Variants in OXR1 observed in about 807,000 individuals in gnomAD.
The protein encoded by OXR1 is oxidation resistance 1.
In OXR1, 41 loss-of-function variants were observed where a neutral mutation model predicts 104.6. The ratio of observed to expected loss-of-function variants is 0.39; its 90% CI spans 0.31 to 0.51. OXR1 has a LOEUF of 0.51. OXR1 is among the 20% of genes least tolerant of loss of function. The pLI is 0.77. For missense variants in OXR1, 955 were observed against 1,031.9 expected (o/e 0.93, Z 1.02); for synonymous variants, 348 against 348.4 (o/e 1.00, Z 0.01).
intron 7 of OXR1, among the ~76,000 whole-genome samples, chr8:106,700,061 T>C (rs1052827392): frequency 1.3e-5 from 2 of 152,172 alleles, no homozygotes; most frequent in African/African-American, 4.8e-5. Flanking sequence ...TACTTTATTT[T>C]CTAATAGAAA....
chr8:106,512,215 T>C (rs1812579145), intron 2 of OXR1, among the ~76,000 whole-genome samples: 1 of 152,162 alleles, frequency 6.6e-6, no homozygotes, highest in Non-Finnish European at 1.5e-5. Flanking sequence ...AGCTGGTAAA[T>C]GCCACATTAT....
At chr8:106,488,028 C>T (rs917426731) in intron 2 of OXR1, among the ~76,000 whole-genome samples, 1 of 147,426 alleles carries the variant, frequency 6.8e-6, no homozygotes, top group Non-Finnish European at 1.5e-5. Context: ...AACTAGTTTA[C>T]AGTCCCACCA....
chr8:106,675,312 GACC>G (rs2131185999), intron 3 of OXR1, among the ~76,000 whole-genome samples: 1 of 152,200 alleles, frequency 6.6e-6, no homozygotes, highest in Non-Finnish European at 1.5e-5. Context: ...CCACAAACTT[GACC>G]TCATGGATAT....
chr8:106,629,089 C>G (rs1822441032), intron 3 of OXR1, among the ~76,000 whole-genome samples: 1 of 152,146 alleles, frequency 6.6e-6, no homozygotes, highest in South Asian at 2.1e-4. Flanking sequence ...CTTCATTCCT[C>G]TCCCCCACCC....
chr8:106,595,683 GAA>G (rs1463885406), intron 3 of OXR1, among the ~76,000 whole-genome samples: 17 of 152,240 alleles, frequency 1.1e-4, no homozygotes, highest in African/African-American at 4.1e-4. Flanking sequence ...TACCAGCATG[GAA>G]TAATGCTGGA....
chr8:106,395,865 A>G (rs1047564604), intron 2 of OXR1, among the ~76,000 whole-genome samples: 1 of 152,022 alleles, frequency 6.6e-6, no homozygotes, highest in African/African-American at 2.4e-5. Flanking sequence ...GGGAAGATAC[A>G]AGACAGACCT....
At chr8:106,280,770 A>G (rs1339116378) in intron 1 of OXR1, among the ~76,000 whole-genome samples, 1 of 152,172 alleles carries the variant, frequency 6.6e-6, no homozygotes, top group Non-Finnish European at 1.5e-5. Context: ...AAAAAATTAA[A>G]CATGTAAAAA....
rs184408713 is a variant in OXR1, at chr8:106,642,275, T to G, written c.221-36935T>G. Among the ~76,000 whole-genome samples, 40 of 152,330 alleles carry G rather than the reference T, an allele frequency of 2.6e-4. No individual in the cohort carries two copies. The East Asian group carries it at 2.7e-3, about 10-fold the overall frequency. ...GGTCACAAAACCTTTGGTAGTAACC[T>G]TACAGGAATCATAGTGTATTTTTGA... On this transcript the variant is annotated intron_variant, in intron 3 of 16. Transcript: ENST00000517566.
chr8:106,385,995 G>T (rs944902334), intron 2 of OXR1, among the ~76,000 whole-genome samples: 31 of 152,120 alleles, frequency 2.0e-4, no homozygotes, highest in African/African-American at 7.5e-4. Flanking sequence ...TGAGGTACGG[G>T]CATGGCAGCA....
intron 3 of OXR1, among the ~76,000 whole-genome samples, chr8:106,549,883 A>G (rs1186992145): frequency 6.6e-6 from 1 of 152,202 alleles, no homozygotes; most frequent in African/African-American, 2.4e-5. Flanking sequence ...TTTGGACAAC[A>G]CAAACAATCC....
intron 3 of OXR1, among the ~76,000 whole-genome samples, chr8:106,623,519 T>A (rs893495475): frequency 6.6e-6 from 1 of 152,034 alleles, no homozygotes; most frequent in Admixed American, 6.6e-5. Flanking sequence ...AGACACATAC[T>A]CAGACAAACT....
At chr8:106,509,634 T>C (rs896465193) in intron 2 of OXR1, among the ~76,000 whole-genome samples, 1 of 152,350 alleles carries the variant, frequency 6.6e-6, no homozygotes, top group South Asian at 2.1e-4. Context: ...CATGATGATA[T>C]CAATTTATCA....
At chr8:106,702,861 G>C (rs756996634) in intron 7 of OXR1, 45 bp from the exon 8 acceptor site, 1 of 1,439,780 alleles carries the variant, frequency 6.9e-7, no homozygotes, top group Admixed American at 2.0e-5. Flanking sequence ...AATTTTTGAA[G>C]TATCAACCTT....
intron 11 of OXR1, among the ~76,000 whole-genome samples, chr8:106,721,707 A>C (rs779109819): frequency 2.0e-5 from 3 of 152,230 alleles, no homozygotes; most frequent in Admixed American, 2.0e-4. Flanking sequence ...AAACCTCTAT[A>C]CTATTATTCA....
At chr8:106,648,233 G>A (rs1824248926) in intron 3 of OXR1, among the ~76,000 whole-genome samples, 3 of 152,104 alleles carry the variant, frequency 2.0e-5, no homozygotes, top group African/African-American at 7.2e-5. Flanking sequence ...TTGGTATATA[G>A]GATGACTGAC....
chr8:106,411,005 A>T (rs1818436002), intron 2 of OXR1, among the ~76,000 whole-genome samples: 2 of 152,160 alleles, frequency 1.3e-5, no homozygotes. Context: ...CTAAGTGCTG[A>T]GGTTATAACA....
chr8:106,718,654 A>C (rs1359783314), intron 11 of OXR1, among the ~76,000 whole-genome samples: 2 of 151,956 alleles, frequency 1.3e-5, no homozygotes, highest in African/African-American at 2.4e-5. Flanking sequence ...CCTGGCTAAC[A>C]TGGTGAAACC....
chr8:106,657,771 T>G (rs1425479814), intron 3 of OXR1: 1 of 1,139,122 alleles, frequency 8.8e-7, no homozygotes, highest in Non-Finnish European at 1.1e-6. Flanking sequence ...TCGAAAACTT[T>G]TGTCCGTCTT....
intron 3 of OXR1, among the ~76,000 whole-genome samples, chr8:106,606,358 T>C (rs1300563181): frequency 1.3e-5 from 2 of 151,892 alleles, no homozygotes; most frequent in Non-Finnish European, 2.9e-5. Context: ...TGGAGTGCAG[T>C]GGTGTAATCT....
Sources: allele counts gnomAD v4.1 joint callset (sites outside exome capture counted in the v4.1 genomes callset), GRCh38; gene constraint gnomAD v4.1.1; transcripts MANE v1.5; gene names NCBI Gene and HGNC (gene_info 2026-07-23, HGNC 2026-07-21).